The following TECPR2 variants were observed in gnomAD, a reference collection of about 807,000 sequenced individuals.
TECPR2 encodes tectonin beta-propeller repeat-containing protein 2.
Under a neutral mutation model 138.1 loss-of-function variants are expected in TECPR2, and 65 were observed. That is an observed-to-expected ratio of 0.47 (90% CI 0.39 to 0.58). The LOEUF is 0.58. Ranked by LOEUF, TECPR2 falls within the 20% of genes least tolerant of loss-of-function variation. TECPR2 has a pLI of 0.00. For synonymous variants in TECPR2, 746 were observed against 749.8 expected, an observed-to-expected ratio of 0.99 and a Z score of 0.08; for missense variants, 1,553 against 1,824.5, an observed-to-expected ratio of 0.85 and a Z score of 2.71.
intron 6 of TECPR2, among the ~76,000 whole-genome samples, chr14:102,426,243 A>G (rs1393946818): frequency 6.6e-6 from 1 of 151,950 alleles, no homozygotes; most frequent in Non-Finnish European, 1.5e-5. Context: ...TTACTTAGCA[A>G]TATATCTTGG....
At chr14:102,378,216 G>A (rs996379605) in intron 2 of TECPR2, among the ~76,000 whole-genome samples, 3 of 152,074 alleles carry the variant, frequency 2.0e-5, no homozygotes, top group Admixed American at 1.3e-4. Context: ...TACAGCTTTT[G>A]TATCTAAGAG....
At position 102,420,352 on chromosome 14, in the gene TECPR2, C is replaced by G. The variant is rs1398400019; in HGVS notation, c.639-4627C>G. ...CAAATTCAGAAAGCACCAGCAAGTA[C>G]TGCAGAATCGCACTGCAAGTGGATG... On this transcript the variant is annotated intron_variant, in intron 5 of 19. Transcript: ENST00000359520. This position sits in a 1 kb window ranked among gnomAD's most constrained non-coding sequence, Gnocchi z 4.1. Among the ~76,000 whole-genome samples the G allele has an allele frequency of 6.6e-6, 1 of 152,198 alleles. No individual in the cohort carries two copies. Among genetic ancestry groups the G allele is most frequent in the Non-Finnish European group, 1.5e-5 (1 of 68,046 alleles).
intron 2 of TECPR2, 65 bp from the exon 3 acceptor site, chr14:102,407,270 GTCC>G: frequency 6.6e-7 from 1 of 1,516,990 alleles, no homozygotes; most frequent in Non-Finnish European, 8.8e-7. Flanking sequence ...CTTTAGTAAT[GTCC>G]TCCTTGTTTT....
intron 2 of TECPR2, among the ~76,000 whole-genome samples, chr14:102,388,682 G>T (rs967551774): frequency 1.2e-4 from 18 of 152,186 alleles, no homozygotes; most frequent in African/African-American, 4.1e-4. Context: ...CAAAAAAAAG[G>T]CCGGGTGCGG....
At chr14:102,378,394 A>T (rs990618767) in intron 2 of TECPR2, among the ~76,000 whole-genome samples, 4 of 152,160 alleles carry the variant, frequency 2.6e-5, no homozygotes, top group Admixed American at 6.5e-5. Context: ...TATATTTTTT[A>T]AATTTTTTAA....
chr14:102,366,902 C>T (rs77768160), intron 1 of TECPR2, among the ~76,000 whole-genome samples: 2,156 of 152,242 alleles, frequency 0.014, 23 homozygotes, highest in Middle Eastern at 0.027. Flanking sequence ...GTTGGGTACT[C>T]TTGAGTGATC....
intron 16 of TECPR2, among the ~76,000 whole-genome samples, chr14:102,459,070 T>C (rs888834968): frequency 2.0e-4 from 31 of 151,750 alleles, no homozygotes; most frequent in African/African-American, 6.3e-4. Context: ...CAGAGACCAA[T>C]TGCTTGGTGA....
chr14:102,392,730 C>A (rs1256008354), intron 2 of TECPR2, among the ~76,000 whole-genome samples: 1 of 152,048 alleles, frequency 6.6e-6, no homozygotes, highest in Non-Finnish European at 1.5e-5. Context: ...GTATGAGAAC[C>A]CTGGGGGACC....
intron 7 of TECPR2, among the ~76,000 whole-genome samples, chr14:102,429,035 C>T (rs545000944): frequency 6.6e-6 from 1 of 152,252 alleles, no homozygotes; most frequent in South Asian, 2.1e-4. Context: ...TTAGTAGAGA[C>T]AGGGTTTCTC....
chr14:102,413,493 C>T (rs777292455), intron 4 of TECPR2, among the ~76,000 whole-genome samples: 5 of 151,860 alleles, frequency 3.3e-5, no homozygotes, highest in South Asian at 2.1e-4. Context: ...ATTCTCCTGC[C>T]GCAGCCTCCC....
intron 17 of TECPR2, among the ~76,000 whole-genome samples, chr14:102,494,908 G>A (rs1471969707): frequency 6.6e-6 from 1 of 151,792 alleles, no homozygotes; most frequent in East Asian, 1.9e-4. Flanking sequence ...CACCCTGAGT[G>A]AGCTCACACA....
At chr14:102,425,729 C>T (rs568281642) in intron 6 of TECPR2, among the ~76,000 whole-genome samples, 2 of 151,852 alleles carry the variant, frequency 1.3e-5, no homozygotes, top group Non-Finnish European at 2.9e-5. Context: ...ACGCATGCCA[C>T]CACGCCTGGC....
rs1889150013 is a variant in TECPR2, at chr14:102,420,485, T to C, written c.639-4494T>C. On this transcript the variant is annotated intron_variant, in intron 5 of 19. Transcript: ENST00000359520. The surrounding 1 kb of genome is among the most constrained non-coding windows in gnomAD (Gnocchi z 4.1). ...CATCAGACATTTCCGTTCTTTTTAT[T>C]TTTTAGAGACAGGGTCTTGCTGTGT... Among the ~76,000 whole-genome samples, 1 of 152,124 alleles carries C rather than the reference T, an allele frequency of 6.6e-6. No homozygotes were observed. Among genetic ancestry groups the C allele is most frequent in the African/African-American group, 2.4e-5 (1 of 41,408 alleles).
At chr14:102,439,107 G>T (rs1889761247) in intron 10 of TECPR2, among the ~76,000 whole-genome samples, 1 of 151,674 alleles carries the variant, frequency 6.6e-6, no homozygotes, top group Non-Finnish European at 1.5e-5. Context: ...CTCATGATCC[G>T]CCCGCCTCAG....
Position 102,419,539 on chromosome 14 carries a change from G to A in TECPR2, c.638+4746G>A, listed in dbSNP as rs894338903. Among the ~76,000 whole-genome samples, 5 of 152,100 alleles carry A rather than the reference G, an allele frequency of 3.3e-5. No homozygotes were observed. The highest frequency in any genetic ancestry group is 7.4e-5 in the Non-Finnish European group (5 of 68,016). On this transcript the variant is annotated intron_variant, in intron 5 of 19. Coordinates refer to ENST00000359520, the MANE Select transcript of TECPR2 (RefSeq NM_014844.5). The surrounding 1 kb of genome is among the most constrained non-coding windows in gnomAD (Gnocchi z 4.8). ...CCTCAGTTGGGCCCTCTCATGGGCA[G>A]CAGTGTAGGGTTGACCAGAAACCGG...
At chr14:102,424,581 GT>G (rs1889264508) in intron 5 of TECPR2, among the ~76,000 whole-genome samples, 1 of 152,316 alleles carries the variant, frequency 6.6e-6, no homozygotes, top group East Asian at 1.9e-4. Flanking sequence ...ATGATCTGCC[GT>G]CTTGGCCTCC....
chr14:102,472,223 C>G (rs1890667452), intron 17 of TECPR2, among the ~76,000 whole-genome samples: 3 of 152,214 alleles, frequency 2.0e-5, no homozygotes, highest in Non-Finnish European at 4.4e-5. Context: ...CTGTGTGCAC[C>G]TCTCTGCAGC....
intron 16 of TECPR2, among the ~76,000 whole-genome samples, chr14:102,461,740 C>T (rs1373645784): frequency 6.6e-6 from 1 of 152,176 alleles, no homozygotes; most frequent in Non-Finnish European, 1.5e-5. Flanking sequence ...CTTTGCTCTG[C>T]GGCTCCACCA....
Position 102,425,305 on chromosome 14 carries a change from C to T in TECPR2, c.951+14C>T, listed in dbSNP as rs553398813. On this transcript the variant is annotated intron_variant, in intron 6 of 19. Coordinates refer to ENST00000359520, the MANE Select transcript of TECPR2 (RefSeq NM_014844.5). The stretch of plus-strand genomic sequence containing the variant: ...ACAGTCAACCAGGTAAGTGAAGGGA[C>T]GCCACCATATCTTCTGTGTCTATAG... 42 of 1,564,294 alleles carry T rather than the reference C, an allele frequency of 2.7e-5. No homozygotes were observed. Among genetic ancestry groups the T allele is most frequent in the East Asian group, 1.6e-4 (7 of 44,370 alleles).
Sources: allele counts gnomAD v4.1 joint callset (sites outside exome capture counted in the v4.1 genomes callset), GRCh38; gene constraint gnomAD v4.1.1; non-coding constraint Gnocchi (gnomAD v3.1); transcripts MANE v1.5; gene names NCBI Gene and HGNC (gene_info 2026-07-23, HGNC 2026-07-21).